PDE6B: variants seen among roughly 807,000 people sequenced by gnomAD.
The protein encoded by PDE6B is rod cGMP-specific 3',5'-cyclic phosphodiesterase subunit beta.
In PDE6B, 106 loss-of-function variants were observed where a neutral mutation model predicts 109.0. The observed-to-expected ratio is 0.97, with a 90% CI of 0.83 to 1.14. The LOEUF (loss-of-function observed/expected upper bound fraction) is 1.14, where lower values mean the gene tolerates loss of function less well. Among genes scored for constraint, PDE6B ranks in the 50% most tolerant of loss-of-function variants. The pLI, the probability that PDE6B is intolerant of heterozygous loss-of-function variation, is 0.00. For missense variants in PDE6B, 1,193 were observed against 1,155.6 expected (o/e 1.03, Z -0.47); for synonymous variants, 490 against 471.3 (o/e 1.04, Z -0.51).
chr4:660,552 A>T lies in PDE6B; in HGVS notation c.1553A>T (p.Lys518Ile), dbSNP rs369561957. 29 of 1,613,730 alleles carry T rather than the reference A, an allele frequency of 1.8e-5. No homozygotes were observed. The African/African-American group carries it at 3.9e-4, about 22-fold the overall frequency. ...DLECTELDLV[K>I]CGIQMYYELG... Reference sequence around the variant, plus strand: ...GAGTGCACCGAACTGGACCTGGTCAAATGTGGCATCCAGATGTACTACGAG... The same window carrying T: ...GAGTGCACCGAACTGGACCTGGTCATATGTGGCATCCAGATGTACTACGAG... The change falls in exon 12 of 22, where the codon AAA becomes ATA. Residue 518 changes from lysine to isoleucine, a missense_variant. Lys to Ile is a moderately radical substitution (Grantham distance 102). Transcript: ENST00000496514.
chr4:649,756 G>A (rs1164281428), intron 3 of PDE6B, among the ~76,000 whole-genome samples: 2 of 152,162 alleles, frequency 1.3e-5, no homozygotes, highest in Non-Finnish European at 2.9e-5. Context: ...AGGGTCGGGG[G>A]GAGACTCTGG....
rs377203362 is a variant in PDE6B, at chr4:660,624, C to T, written c.1614+11C>T. The T allele has an allele frequency of 8.7e-6, 14 of 1,612,682 alleles. No homozygotes were observed. Among genetic ancestry groups the T allele is most frequent in the Non-Finnish European group, 1.1e-5 (13 of 1,179,396 alleles). On this transcript the variant is annotated intron_variant, in intron 12 of 21. Coordinates refer to ENST00000496514, the MANE Select transcript of PDE6B (RefSeq NM_000283.4). ...CAGATCCCCCAGGAGGTGGGAGACA[C>T]CGCAGGGCGCATAGTCAGGTCCCTG...
Position 666,099 on chromosome 4 carries a change from G to A in PDE6B, c.2269-432G>A, listed in dbSNP as rs1232317591. Among the ~76,000 whole-genome samples the A allele has an allele frequency of 1.3e-5, 2 of 152,170 alleles. No individual in the cohort carries two copies. The highest frequency in any genetic ancestry group is 2.9e-5 in the Non-Finnish European group (2 of 68,020). ...GGACAGCCCAGGGCACTCGGGGTCT[G>A]ACACTAGAAACAGCTCCAGAGCACG... On this transcript the variant is annotated intron_variant, in intron 19 of 21. Coordinates refer to ENST00000496514, the MANE Select transcript of PDE6B (RefSeq NM_000283.4). This position sits in a 1 kb window ranked among gnomAD's most constrained non-coding sequence, Gnocchi z 5.6.
chr4:645,391 G>A (rs1228079857), intron 3 of PDE6B, among the ~76,000 whole-genome samples: 1 of 150,654 alleles, frequency 6.6e-6, no homozygotes, highest in Non-Finnish European at 1.5e-5. Context: ...CACGTCCCAG[G>A]TTCACGCCAT....
In PDE6B at chr4:662,311, C is replaced by A; in HGVS notation, c.1722+70C>A. 1 of 951,382 alleles carries A rather than the reference C, an allele frequency of 1.1e-6. No individual in the cohort carries two copies. The highest frequency in any genetic ancestry group is 1.7e-6 in the Non-Finnish European group (1 of 601,588). The allele number at this position is 951,382 out of a possible 1,614,324, so 58.9% of individuals were successfully genotyped here. On this transcript the variant is annotated intron_variant, in intron 13 of 21. Coordinates refer to ENST00000496514, the MANE Select transcript of PDE6B (RefSeq NM_000283.4). The surrounding 1 kb of genome is among the most constrained non-coding windows in gnomAD (Gnocchi z 4.3). ...TACCAAGGGCAGCACTCAAGCACCC[C>A]GAGGGATGAGATGGGGGTCCTCCCA...
rs1734557358 is a variant in PDE6B, at chr4:634,696, T to A, written c.488T>A (p.Phe163Tyr). ...CGGCAGTGCCCTCACTTCAGCTCAT[T>A]TGCTGACGAGCTCACTGACTACAAG... The part of the protein sequence containing the change: ...DVAECPHFSS[F>Y]ADELTDYKTK... The change falls in exon 2 of 22, where the codon TTT (phenylalanine) becomes TAT (tyrosine). Residue 163 changes from phenylalanine to tyrosine, a missense_variant. Coordinates refer to ENST00000496514, the MANE Select transcript of PDE6B (RefSeq NM_000283.4). 1.2e-6 allele frequency: 2 copies of A among 1,612,540 alleles called. No individual in the cohort carries two copies. The highest frequency in any genetic ancestry group is 1.1e-5 in the South Asian group (1 of 91,050).
chr4:644,902 T>G (rs1422192658), intron 3 of PDE6B, among the ~76,000 whole-genome samples: 1 of 152,070 alleles, frequency 6.6e-6, no homozygotes, highest in African/African-American at 2.4e-5. Flanking sequence ...TGATAGAGGG[T>G]ACTAAGTCTC....
chr4:625,946 C>A lies in PDE6B; in HGVS notation c.320C>A (p.Ala107Asp). The part of the protein sequence containing the change: ...YRQRNGVAEL[A>D]TRLFSVQPDS... ...CAGCGCAACGGCGTGGCCGAGCTGGCCACCAGGCTTTTCAGCGTGCAGCCG... is the reference window on the plus strand; with the variant it reads ...CAGCGCAACGGCGTGGCCGAGCTGGACACCAGGCTTTTCAGCGTGCAGCCG... The change falls in exon 1 of 22, where the codon GCC (alanine) becomes GAC (aspartate). Residue 107 changes from alanine to aspartate, a missense_variant. Physicochemically the swap from Ala to Asp is moderately radical, Grantham distance 126. Transcript: ENST00000496514. The surrounding 1 kb of genome is among the most constrained non-coding windows in gnomAD (Gnocchi z 5.0). 6.3e-7 allele frequency: 1 copy of A among 1,590,184 alleles called. No homozygotes were observed. The highest frequency in any genetic ancestry group is 1.3e-5 in the African/African-American group (1 of 74,552).
At chr4:630,680 A>C (rs1024522426) in intron 1 of PDE6B, among the ~76,000 whole-genome samples, 1 of 152,232 alleles carries the variant, frequency 6.6e-6, no homozygotes, top group African/African-American at 2.4e-5. Context: ...AACCTCACTC[A>C]AAACCAGCTG....
intron 3 of PDE6B, chr4:652,033 GA>G (rs1735621192): frequency 2.3e-4 from 2 of 8,812 alleles, no homozygotes; most frequent in South Asian, 7.9e-3. Flanking sequence ...GTCAGGGCAG[GA>G]GAGTGTGGAG....
intron 20 of PDE6B, 148 bp from the exon 21 acceptor site, chr4:667,708 C>A: frequency 1.2e-6 from 1 of 807,532 alleles, no homozygotes; most frequent in Non-Finnish European, 2.1e-6. Context: ...CTTCACAGGG[C>A]TCTGCTGGGA....
chr4:652,464 A>C (rs1286747543), intron 3 of PDE6B: 2 of 983,432 alleles, frequency 2.0e-6, no homozygotes, highest in Non-Finnish European at 2.4e-6. Flanking sequence ...AAGGGTGCAA[A>C]GCGTTCGTTA....
rs572681474 is a variant in PDE6B at position 655,907 on chromosome 4, G to A, written c.993-33G>A. The A allele has an allele frequency of 4.1e-5, 56 of 1,382,604 alleles. No individual in the cohort carries two copies. The South Asian group carries it at 5.2e-4, about 13-fold the overall frequency. The allele number at this position is 1,382,604 out of a possible 1,614,324, so 85.6% of individuals were successfully genotyped here. ...CCTGCACGCGCACATCCAGCCCGGC[G>A]TGGCCTATCTGACCCCTGCTCTCTG... is the stretch of plus-strand genomic sequence containing the variant. On this transcript the variant is annotated intron_variant, in intron 6 of 21. Coordinates refer to ENST00000496514, the MANE Select transcript of PDE6B (RefSeq NM_000283.4).
At chr4:659,343 G>A (rs1736749301) in intron 11 of PDE6B, among the ~76,000 whole-genome samples, 1 of 152,218 alleles carries the variant, frequency 6.6e-6, no homozygotes, top group South Asian at 2.1e-4. Flanking sequence ...TGTTTAGTGG[G>A]CCTGACTTGG....
chr4:641,634 C>A (rs1734949163), intron 3 of PDE6B, among the ~76,000 whole-genome samples: 1 of 151,728 alleles, frequency 6.6e-6, no homozygotes, highest in African/African-American at 2.4e-5. Flanking sequence ...GTCAGAGACA[C>A]ACGTTTTTTG....
Position 662,328 on chromosome 4 carries a change from G to A in PDE6B, c.1722+87G>A, listed in dbSNP as rs1577297134. ...AAGCACCCCGAGGGATGAGATGGGG[G>A]TCCTCCCAGGGCAGAAGGATGGAGG... On this transcript the variant is annotated intron_variant, in intron 13 of 21. Transcript: ENST00000496514. The surrounding 1 kb of genome is among the most constrained non-coding windows in gnomAD (Gnocchi z 4.3). 4 of 856,150 alleles carry A rather than the reference G, an allele frequency of 4.7e-6. No homozygotes were observed. The South Asian group carries it at 5.7e-5, about 12-fold the overall frequency. The allele number at this position is 856,150 out of a possible 1,614,324, so 53.0% of individuals were successfully genotyped here. A position where few individuals can be genotyped will look rare whatever the true frequency, so the allele number is the denominator to read the frequency against.
chr4:653,237 T>G, intron 3 of PDE6B: 1 of 1,004,438 alleles, frequency 1.0e-6, no homozygotes. Flanking sequence ...CCGCCGCGAG[T>G]GTGAGGAGGC....
Position 657,531 on chromosome 4 carries a change from G to T in PDE6B, c.1401+37G>T, listed in dbSNP as rs1452309536. 2.1e-6 allele frequency: 3 copies of T among 1,447,776 alleles called. No homozygotes were observed. The African/African-American group carries it at 4.1e-5, about 20-fold the overall frequency. 89.7% of individuals were successfully genotyped at this position (1,447,776 alleles called of 1,614,324 possible). On this transcript the variant is annotated intron_variant, in intron 10 of 21. Transcript: ENST00000496514. ...CAGGACGTCCAGGGGTCACCCAGGG[G>T]TCACGGCTGTGTGGCAGGGGCAGGT...
intron 3 of PDE6B, chr4:652,447 T>C (rs778611923): frequency 1.0e-6 from 1 of 960,534 alleles, no homozygotes; most frequent in South Asian, 4.8e-5. Flanking sequence ...AGCAGAGACG[T>C]TGGTGAAAGG....
Sources: allele counts gnomAD v4.1 joint callset (sites outside exome capture counted in the v4.1 genomes callset), GRCh38; gene constraint gnomAD v4.1.1; non-coding constraint Gnocchi (gnomAD v3.1); transcripts MANE v1.5; gene names NCBI Gene and HGNC (gene_info 2026-07-23, HGNC 2026-07-21).